Variants in SLC26A7 observed in about 807,000 individuals in gnomAD.
The protein encoded by SLC26A7 is anion exchange transporter.
SLC26A7 carries 59 observed loss-of-function variants against 82.5 expected under a neutral mutation model. The observed-to-expected ratio is 0.72, with a 90% confidence interval of 0.58 to 0.89. The LOEUF is 0.89. SLC26A7 is among the 40% of genes least tolerant of loss of function. The pLI is 0.00. For synonymous variants in SLC26A7, 271 were observed against 274.3 expected (o/e 0.99, Z 0.12); for missense variants, 820 against 793.0 (o/e 1.03, Z -0.41).
At position 91,336,569 on chromosome 8, in the gene SLC26A7, G is replaced by A. The variant is rs574039505; in HGVS notation, c.796-1581G>A. Among the ~76,000 whole-genome samples the A allele has an allele frequency of 3.3e-4, 50 of 151,754 alleles. 2 individuals are homozygous for A. The highest frequency in any genetic ancestry group is 9.4e-4 in the African/African-American group (39 of 41,308). The stretch of plus-strand genomic sequence containing the variant: ...ATTGTCTTCCACAAAGCTGATCCCC[G>A]GTGCCAAAAAGGTTGGGGACTGCTG... On this transcript the variant is annotated intron_variant, in intron 6 of 18. Coordinates refer to ENST00000276609, the MANE Select transcript of SLC26A7 (RefSeq NM_052832.4).
chr8:91,276,820 T>G (rs1811419666), intron 2 of SLC26A7, among the ~76,000 whole-genome samples: 1 of 152,178 alleles, frequency 6.6e-6, no homozygotes, highest in Admixed American at 6.5e-5. Context: ...CACAGAAACT[T>G]TTCGTTTTAT....
At chr8:91,268,026 GT>G (rs1338069915) in intron 2 of SLC26A7, among the ~76,000 whole-genome samples, 2 of 151,784 alleles carry the variant, frequency 1.3e-5, no homozygotes, top group Non-Finnish European at 2.9e-5. Context: ...GGAGAATGTT[GT>G]TTAATTTCCA....
At chr8:91,353,026 C>T (rs1206095689) in intron 11 of SLC26A7, 30 bp downstream of exon 11, 5 of 1,472,204 alleles carry the variant, frequency 3.4e-6, no homozygotes, top group Non-Finnish European at 4.7e-6. Context: ...AAAACAATCC[C>T]TTTTTAGCTT....
At chr8:91,377,461 G>C (rs1247027690) in intron 15 of SLC26A7, among the ~76,000 whole-genome samples, 1 of 152,182 alleles carries the variant, frequency 6.6e-6, no homozygotes, top group Non-Finnish European at 1.5e-5. Flanking sequence ...AGTCAGAGCG[G>C]GTTGTAGGAG....
At chr8:91,390,163 T>C (rs1355763037) in intron 16 of SLC26A7, among the ~76,000 whole-genome samples, 1 of 149,010 alleles carries the variant, frequency 6.7e-6, no homozygotes, top group Non-Finnish European at 1.5e-5. Context: ...CAGGCTGGAG[T>C]GCAGTGGCGC....
At chr8:91,258,265 C>A (rs1810862448) in intron 2 of SLC26A7, among the ~76,000 whole-genome samples, 1 of 152,124 alleles carries the variant, frequency 6.6e-6, no homozygotes, top group Admixed American at 6.6e-5. Flanking sequence ...TCCTTCCTAG[C>A]TCTAGAGATA....
intron 2 of SLC26A7, among the ~76,000 whole-genome samples, chr8:91,250,139 A>G (rs1213303470): frequency 2.6e-5 from 4 of 152,136 alleles, no homozygotes; most frequent in African/African-American, 9.7e-5. Flanking sequence ...GTGAGTTTTT[A>G]TAACATGATC....
chr8:91,375,176 T>TA (rs901357831), intron 15 of SLC26A7, among the ~76,000 whole-genome samples: 52 of 151,348 alleles, frequency 3.4e-4, no homozygotes, highest in African/African-American at 1.1e-3. Context: ...GTTGGGTCTT[T>TA]AAAAAAAAAT....
intron 15 of SLC26A7, 149 bp downstream of exon 15, chr8:91,369,982 T>C: frequency 1.5e-6 from 1 of 657,500 alleles, no homozygotes; most frequent in Non-Finnish European, 2.6e-6. Flanking sequence ...CCCTCTACTC[T>C]CCTCCTCCCT....
At chr8:91,350,749 A>G (rs534839033) in intron 9 of SLC26A7, among the ~76,000 whole-genome samples, 10 of 152,160 alleles carry the variant, frequency 6.6e-5, no homozygotes, top group African/African-American at 2.4e-4. Context: ...GTTATTTATG[A>G]TTTTGGCATT....
chr8:91,294,628 T>A (rs1811968012), intron 3 of SLC26A7, among the ~76,000 whole-genome samples: 1 of 152,206 alleles, frequency 6.6e-6, no homozygotes, highest in Admixed American at 6.5e-5. Context: ...TGCTGCAGTT[T>A]GTTTCTATAA....
In SLC26A7 at chr8:91,249,631, C is replaced by G. The variant is rs1157843344; in HGVS notation, c.-21C>G. Reference sequence around the variant, plus strand: ...TTTTCTTGTTTAGAGAAGTTTACTTCTACAAGAAGAAATCTGAAAAATGAC... The same window carrying G: ...TTTTCTTGTTTAGAGAAGTTTACTTGTACAAGAAGAAATCTGAAAAATGAC... On this transcript the variant is annotated 5_prime_UTR_variant, in exon 2 of 19. Transcript: ENST00000276609. 1.5e-5 allele frequency: 23 copies of G among 1,489,740 alleles called. No individual in the cohort carries two copies. The highest frequency in any genetic ancestry group is 2.4e-5 in the Admixed American group (1 of 41,460). The allele number at this position is 1,489,740 out of a possible 1,614,324, so 92.3% of individuals were successfully genotyped here.
chr8:91,363,991 G>T (rs1469610624), intron 13 of SLC26A7, among the ~76,000 whole-genome samples: 1 of 149,820 alleles, frequency 6.7e-6, no homozygotes, highest in East Asian at 1.9e-4. Context: ...TATGTTAGCA[G>T]AGGGTAATTC....
At chr8:91,211,631 T>A (rs1809926263) in intron 1 of SLC26A7, among the ~76,000 whole-genome samples, 1 of 148,788 alleles carries the variant, frequency 6.7e-6, no homozygotes, top group African/African-American at 2.4e-5. Context: ...TTTTTTATTT[T>A]TTTTGCTTGG....
At chr8:91,250,362 GTT>G (rs1810624689) in intron 2 of SLC26A7, among the ~76,000 whole-genome samples, 1 of 152,092 alleles carries the variant, frequency 6.6e-6, no homozygotes, top group African/African-American at 2.4e-5. Flanking sequence ...GAGAGCTTAT[GTT>G]TTACTGTCTA....
intron 5 of SLC26A7, among the ~76,000 whole-genome samples, chr8:91,325,687 A>G (rs1812914082): frequency 1.3e-5 from 2 of 152,188 alleles, no homozygotes; most frequent in Non-Finnish European, 2.9e-5. Context: ...ATGCTCTGTA[A>G]TAGTCTCCTC....
chr8:91,339,010 G>A (rs917541430), intron 7 of SLC26A7, among the ~76,000 whole-genome samples: 3 of 152,072 alleles, frequency 2.0e-5, no homozygotes, highest in Non-Finnish European at 4.4e-5. Flanking sequence ...GAATTAAAAA[G>A]GGAATGTTAA....
Position 91,339,661 on chromosome 8 carries a change from TTTA to T in SLC26A7, c.879-742_879-740del, listed in dbSNP as rs1563687529. 2.2e-4 allele frequency among the ~76,000 whole-genome samples: 32 copies of T among 146,334 alleles called. No individual in the cohort carries two copies. In the Middle Eastern group the frequency reaches 0.01, roughly 48 times the overall value. The stretch of plus-strand genomic sequence containing the variant: ...ATTTATTTATTTATTTATTTATTTA[TTTA>T]ATTTATTTTTTGGGTAAGTCTCCCA... On this transcript the variant is annotated intron_variant, in intron 7 of 18. Transcript: ENST00000276609.
upstream of SLC26A7, among the ~76,000 whole-genome samples, chr8:91,247,813 A>C (rs1345380283): frequency 6.6e-6 from 1 of 152,126 alleles, no homozygotes; most frequent in Non-Finnish European, 1.5e-5. Context: ...TGGTGATTTC[A>C]GTTAAGCTTT....
Sources: allele counts gnomAD v4.1 joint callset (sites outside exome capture counted in the v4.1 genomes callset), GRCh38; gene constraint gnomAD v4.1.1; transcripts MANE v1.5; gene names NCBI Gene and HGNC (gene_info 2026-07-23, HGNC 2026-07-21).